FAM169A: variants seen among roughly 807,000 people sequenced by gnomAD.
FAM169A encodes soluble lamin-associated protein of 75 kDa.
In FAM169A, 24 loss-of-function variants were observed where a neutral mutation model predicts 75.7. That is an observed-to-expected ratio of 0.32 (90% confidence interval 0.23 to 0.45). The LOEUF (loss-of-function observed/expected upper bound fraction) is 0.45, where lower values mean the gene tolerates loss of function less well. Ranked by LOEUF, FAM169A falls within the 20% of genes least tolerant of loss-of-function variation. The probability of loss-of-function intolerance (pLI) is 1.00; values close to 1 mark genes in which losing one functional copy is unlikely to be tolerated. For synonymous variants in FAM169A, 271 were observed against 271.0 expected (o/e 1.00, Z 0.00); for missense variants, 673 against 784.0 (o/e 0.86, Z 1.69).
At chr5:74,832,270 T>C (rs1331817242) in intron 5 of FAM169A, among the ~76,000 whole-genome samples, 4 of 151,914 alleles carry the variant, frequency 2.6e-5, no homozygotes, top group African/African-American at 4.8e-5. Context: ...CAAATATCTT[T>C]ATAAGAAAAC....
intron 5 of FAM169A, among the ~76,000 whole-genome samples, chr5:74,818,801 C>CTA (rs59106706): frequency 0.024 from 2,922 of 122,804 alleles, 24 homozygotes; most frequent in Middle Eastern, 0.06. Flanking sequence ...CTCTCTCTCT[C>CTA]TCTATATATA....
chr5:74,832,055 A>C (rs1407727173), intron 5 of FAM169A, among the ~76,000 whole-genome samples: 1 of 152,168 alleles, frequency 6.6e-6, no homozygotes, highest in Non-Finnish European at 1.5e-5. Context: ...TATTTTCTGA[A>C]GCTTTCCTTC....
intron 11 of FAM169A, among the ~76,000 whole-genome samples, chr5:74,786,747 T>C (rs1378433974): frequency 6.6e-6 from 1 of 152,054 alleles, no homozygotes; most frequent in Non-Finnish European, 1.5e-5. Flanking sequence ...AGAGCTGAAA[T>C]TGTGGAAAAT....
upstream of FAM169A, chr5:74,866,484 T>C (rs1286146180): frequency 1.4e-6 from 1 of 722,734 alleles, no homozygotes; most frequent in African/African-American, 1.9e-5. Flanking sequence ...CCTCGGAGCC[T>C]GGGACGCCGC....
At chr5:74,844,134 G>A (rs932780639) in intron 1 of FAM169A, among the ~76,000 whole-genome samples, 23 of 152,180 alleles carry the variant, frequency 1.5e-4, no homozygotes, top group Non-Finnish European at 2.1e-4. Context: ...GCACTGCAGA[G>A]AGTATCCGGA....
At chr5:74,857,646 G>A (rs1561329053) in intron 1 of FAM169A, among the ~76,000 whole-genome samples, 1 of 134,978 alleles carries the variant, frequency 7.4e-6, no homozygotes, top group Non-Finnish European at 1.6e-5. Flanking sequence ...CTGATGAAAA[G>A]TTTAGAAGTT....
intron 5 of FAM169A, among the ~76,000 whole-genome samples, chr5:74,815,493 G>T (rs532434077): frequency 4.6e-5 from 7 of 152,058 alleles, no homozygotes; most frequent in African/African-American, 1.7e-4. Context: ...AATATACTTA[G>T]ATCTTAATTG....
chr5:74,789,866 CCTTTT>C (rs1445745907), intron 11 of FAM169A, among the ~76,000 whole-genome samples: 1 of 152,224 alleles, frequency 6.6e-6, no homozygotes, highest in African/African-American at 2.4e-5. Flanking sequence ...TAACTGCTCT[CCTTTT>C]GAGAAACAGT....
At chr5:74,812,860 T>C (rs969286414) in intron 6 of FAM169A, among the ~76,000 whole-genome samples, 2 of 152,112 alleles carry the variant, frequency 1.3e-5, no homozygotes, top group Admixed American at 6.5e-5. Context: ...TAATAACAAA[T>C]GTTGGTGAGG....
At chr5:74,857,592 A>AAC (rs1749787565) in intron 1 of FAM169A, among the ~76,000 whole-genome samples, 1 of 133,172 alleles carries the variant, frequency 7.5e-6, no homozygotes, top group Non-Finnish European at 1.6e-5. Context: ...AAAAAAAAAA[A>AAC]AAAAAAAAAA....
chr5:74,787,103 T>G (rs1745733929), intron 11 of FAM169A, among the ~76,000 whole-genome samples: 1 of 152,192 alleles, frequency 6.6e-6, no homozygotes, highest in African/African-American at 2.4e-5. Context: ...GGAGGTGTGC[T>G]ACACTTGAAA....
chr5:74,839,279 A>T (rs1370716398), intron 3 of FAM169A, among the ~76,000 whole-genome samples: 2 of 151,934 alleles, frequency 1.3e-5, no homozygotes, highest in African/African-American at 4.8e-5. Context: ...TGTAATCCCC[A>T]CAATTCCTAC....
At chr5:74,844,158 G>A (rs540808098) in intron 1 of FAM169A, among the ~76,000 whole-genome samples, 1 of 152,262 alleles carries the variant, frequency 6.6e-6, no homozygotes, top group South Asian at 2.1e-4. Context: ...ATTTACTCTT[G>A]AAAATTTCCA....
At chr5:74,854,551 A>G (rs1209903513) in intron 1 of FAM169A, among the ~76,000 whole-genome samples, 1 of 152,118 alleles carries the variant, frequency 6.6e-6, no homozygotes, top group Non-Finnish European at 1.5e-5. Flanking sequence ...GATCTTCTTC[A>G]TTCAATCTAA....
At chr5:74,808,083 A>T (rs774518176) in intron 6 of FAM169A, among the ~76,000 whole-genome samples, 5 of 152,250 alleles carry the variant, frequency 3.3e-5, no homozygotes, top group Non-Finnish European at 7.3e-5. Context: ...AAAATGAAAC[A>T]CAGAATTACC....
intron 10 of FAM169A, chr5:74,799,202 G>T: frequency 1.6e-6 from 2 of 1,257,314 alleles, no homozygotes; most frequent in Non-Finnish European, 1.2e-6. Context: ...ATCGTCACTT[G>T]TGGGGCAGAC....
chr5:74,787,591 A>G (rs1163950798), intron 11 of FAM169A, among the ~76,000 whole-genome samples: 1 of 152,208 alleles, frequency 6.6e-6, no homozygotes, highest in Admixed American at 6.5e-5. Flanking sequence ...AACAGTGGGA[A>G]CTGCAGTCAC....
chr5:74,814,923 T>C (rs1414715961), intron 5 of FAM169A, among the ~76,000 whole-genome samples: 1 of 152,214 alleles, frequency 6.6e-6, no homozygotes, highest in Non-Finnish European at 1.5e-5. Context: ...TCTCAGATTA[T>C]TCATATGATT....
chr5:74,811,468 T>G (rs972011219), intron 6 of FAM169A, among the ~76,000 whole-genome samples: 1 of 152,178 alleles, frequency 6.6e-6, no homozygotes, highest in African/African-American at 2.4e-5. Flanking sequence ...CCCACTCTCA[T>G]GTATGGATTT....
Sources: allele counts gnomAD v4.1 joint callset (sites outside exome capture counted in the v4.1 genomes callset), GRCh38; gene constraint gnomAD v4.1.1; transcripts MANE v1.5; gene names NCBI Gene and HGNC (gene_info 2026-07-23, HGNC 2026-07-21).